The following TRIM37 variants were observed in gnomAD, a reference collection of about 807,000 sequenced individuals.
The protein encoded by TRIM37 is tripartite motif containing 37.
A neutral mutation model predicts 129.8 loss-of-function variants in TRIM37; 80 were observed. That is an observed-to-expected ratio of 0.62 (90% CI 0.51 to 0.74). TRIM37 has a LOEUF of 0.74. Ranked by LOEUF, TRIM37 falls within the 30% of genes least tolerant of loss-of-function variation. TRIM37 has a pLI of 0.00. For missense variants in TRIM37, 1,054 were observed against 1,176.5 expected (o/e 0.90, Z 1.52); for synonymous variants, 389 against 387.1 (o/e 1.00, Z -0.06).
At chr17:58,972,910 G>C in the TRIM37 span, 1 of 1,612,746 alleles carries the variant, frequency 6.2e-7, no homozygotes, top group South Asian at 1.1e-5. Flanking sequence ...AAGTCTGTCG[G>C]TTTCCAGAGC....
chr17:58,973,364 T>C, the TRIM37 span, among the ~76,000 whole-genome samples: 44 of 147,774 alleles, frequency 3.0e-4, 1 homozygote, highest in East Asian at 7.8e-3. Flanking sequence ...TTGCAGCTAG[T>C]GGAGATCGCG....
In TRIM37 at chr17:59,095,151, G is replaced by C. The variant is rs1254606340; in HGVS notation, c.124-3811C>G. ...GAGGATCAACTGAGTCCAGAGGTCA[G>C]GGCTGCAGTGAGCCATGATCATGCC... On this transcript the variant is annotated intron_variant, in intron 2 of 23. Transcript: ENST00000262294. Among the ~76,000 whole-genome samples the C allele has an allele frequency of 2.0e-5, 3 of 152,182 alleles. No homozygotes were observed. The East Asian group carries it at 5.8e-4, about 29-fold the overall frequency.
At chr17:59,004,994 G>A (rs935471419) in intron 22 of TRIM37, among the ~76,000 whole-genome samples, 8 of 152,164 alleles carry the variant, frequency 5.3e-5, no homozygotes, top group Non-Finnish European at 1.2e-4. Flanking sequence ...TGAAGTAGGG[G>A]AAAAAGAAAA....
chr17:59,010,971 C>T (rs1713056288), intron 22 of TRIM37, among the ~76,000 whole-genome samples: 1 of 151,954 alleles, frequency 6.6e-6, no homozygotes, highest in Admixed American at 6.6e-5. Context: ...GAGTTCAAGA[C>T]CAGCCTGGCC....
chr17:59,081,584 G>A lies in TRIM37; in HGVS notation c.370-365C>T, dbSNP rs528529281. On this transcript the variant is annotated intron_variant, in intron 5 of 23. Transcript: ENST00000262294. ...ATGTCCTCAAACTTCTTTCCACCAG[G>A]ACTTTACAAAAATTACTCCCTCTTA... 1.1e-4 allele frequency among the ~76,000 whole-genome samples: 17 copies of A among 152,074 alleles called. No homozygotes were observed. The South Asian group carries it at 3.5e-3, about 32-fold the overall frequency.
chr17:58,971,213 G>C, the TRIM37 span, among the ~76,000 whole-genome samples: 5 of 152,060 alleles, frequency 3.3e-5, no homozygotes, highest in African/African-American at 1.2e-4. Context: ...TGTGTTCTAG[G>C]GGGCTGAGTT....
At chr17:59,007,079 T>C (rs1474738700) in intron 22 of TRIM37, among the ~76,000 whole-genome samples, 1 of 151,030 alleles carries the variant, frequency 6.6e-6, no homozygotes, top group Non-Finnish European at 1.5e-5. Flanking sequence ...GCAGCAAACA[T>C]CTTACCGCCC....
intron 8 of TRIM37, among the ~76,000 whole-genome samples, chr17:59,073,691 C>T (rs1052188792): frequency 2.6e-5 from 4 of 152,240 alleles, no homozygotes; most frequent in African/African-American, 9.6e-5. Context: ...CCTTGAATTC[C>T]TGGGCTGAGG....
Position 59,094,608 on chromosome 17 carries a change from T to A in TRIM37, c.124-3268A>T. Among the ~76,000 whole-genome samples, 2 of 151,780 alleles carry A rather than the reference T, an allele frequency of 1.3e-5. 1 individual carries two copies. Among genetic ancestry groups the A allele is most frequent in the East Asian group, 3.9e-4 (2 of 5,166 alleles). ...AGCAATATATACTAAGTATCTAAGA[T>A]AATCTTAAAAAAAAAACAAACTGGC... On this transcript the variant is annotated intron_variant, in intron 2 of 23. Transcript: ENST00000262294.
In TRIM37 at chr17:58,998,588, TG is replaced by T; in HGVS notation, c.*788del. 1.0e-6 allele frequency: 1 copy of T among 985,332 alleles called. No individual in the cohort carries two copies. The highest frequency in any genetic ancestry group is 4.7e-5 in the South Asian group (1 of 21,288). The allele number at this position is 985,332 out of a possible 1,614,324, so 61.0% of individuals were successfully genotyped here. A position where few individuals can be genotyped will look rare whatever the true frequency, so the allele number is the denominator to read the frequency against. On this transcript the variant is annotated 3_prime_UTR_variant, in exon 24 of 24. Transcript: ENST00000262294. ...GACACTGAAATCAATGTACAACTAA[TG>T]AAAATAAAGAAGAAAAGGGGGCTTT...
chr17:59,106,304 C>A (rs2045983514), intron 1 of TRIM37, 137 bp downstream of exon 1: 1 of 1,018,196 alleles, frequency 9.8e-7, no homozygotes, highest in South Asian at 1.4e-5. Flanking sequence ...TCCTTGGTAC[C>A]GGGCCAGCCC....
Position 59,001,645 on chromosome 17 carries a change from C to G in TRIM37, c.2765G>C (p.Gly922Ala). Residue 922 changes from glycine (G) to alanine (A), a missense_variant, in exon 23 of 24, where the codon GGC becomes GCC. By Grantham distance (60) the Gly-to-Ala change is moderately conservative (BLOSUM62 0). Around this residue, in one of 3 missense-constraint regions of TRIM37, gnomAD observed 287 missense variants for 274.3 expected, o/e 1.05. Coordinates refer to ENST00000262294, the MANE Select transcript of TRIM37 (RefSeq NM_015294.6). ...GACCATGAAGGAGTCGTGAAACCCGCCCACACTGGTATGCTCTTCCTGCTC... is the reference window on the plus strand; with the variant it reads ...GACCATGAAGGAGTCGTGAAACCCGGCCACACTGGTATGCTCTTCCTGCTC... ...NEEQEEHTSVGGFHDSFMVMT... is the reference protein window; with the variant it reads ...NEEQEEHTSVAGFHDSFMVMT... 2 of 1,614,078 alleles carry G rather than the reference C, an allele frequency of 1.2e-6. No homozygotes were observed. Among genetic ancestry groups the G allele is most frequent in the Non-Finnish European group, 1.7e-6 (2 of 1,179,992 alleles).
chr17:59,088,433 A>C (rs749933130), intron 3 of TRIM37, 26 bp from the exon 4 acceptor site: 5 of 1,248,480 alleles, frequency 4.0e-6, no homozygotes, highest in Non-Finnish European at 5.9e-6. Flanking sequence ...ATACACATAC[A>C]CTAATTCAGG....
chr17:59,036,680 T>C (rs1307116399), intron 17 of TRIM37, among the ~76,000 whole-genome samples: 1 of 152,108 alleles, frequency 6.6e-6, no homozygotes, highest in East Asian at 1.9e-4. Flanking sequence ...TTTAATATGG[T>C]CTATAAAATA....
At chr17:59,067,410 C>G (rs2042000841) in intron 9 of TRIM37, among the ~76,000 whole-genome samples, 1 of 152,180 alleles carries the variant, frequency 6.6e-6, no homozygotes, top group Admixed American at 6.5e-5. Context: ...CAAACCATCT[C>G]TAGCCCAGGA....
At chr17:59,082,541 C>CA (rs987652518) in intron 5 of TRIM37, among the ~76,000 whole-genome samples, 65 of 152,198 alleles carry the variant, frequency 4.3e-4, no homozygotes, top group African/African-American at 1.5e-3. Context: ...GCCCAGGATA[C>CA]AAAATTAACA....
rs566421798 is a variant in TRIM37 at position 59,055,495 on chromosome 17, C to T, written c.1199+1380G>A. ...GGCTCAAGAGGTCAGGAGATCGAGA[C>T]CATCCTGGCTAACACGGTGGAACCC... On this transcript the variant is annotated intron_variant, in intron 13 of 23. Coordinates refer to ENST00000262294, the MANE Select transcript of TRIM37 (RefSeq NM_015294.6). 2.0e-5 allele frequency among the ~76,000 whole-genome samples: 3 copies of T among 151,572 alleles called. No individual in the cohort carries two copies. In the South Asian group the frequency reaches 6.2e-4, roughly 32 times the overall value.
chr17:59,105,019 G>C (rs554610655), intron 1 of TRIM37, among the ~76,000 whole-genome samples: 1 of 150,914 alleles, frequency 6.6e-6, no homozygotes, highest in East Asian at 1.9e-4. Context: ...TTGAACCTAG[G>C]AGGCGGAGGT....
the TRIM37 span, chr17:58,973,065 G>A: frequency 1.2e-5 from 7 of 591,708 alleles, no homozygotes; most frequent in South Asian, 4.1e-5. Flanking sequence ...ATTGGATAAC[G>A]TCTCTTTTAA....
Sources: allele counts gnomAD v4.1 joint callset (sites outside exome capture counted in the v4.1 genomes callset), GRCh38; gene constraint gnomAD v4.1.1; regional missense constraint gnomAD v4.1.1; transcripts MANE v1.5; gene names NCBI Gene and HGNC (gene_info 2026-07-23, HGNC 2026-07-21).